Variants in CENATAC observed in about 807,000 individuals in gnomAD.
CENATAC encodes the protein centrosomal AT-AC splicing factor.
CENATAC carries 53 observed loss-of-function variants against 53.7 expected under a neutral mutation model. That is an observed-to-expected ratio of 0.99 (90% CI 0.79 to 1.24). The LOEUF is 1.24. Among genes scored for constraint, CENATAC ranks in the 50% most tolerant of loss-of-function variants. The probability of loss-of-function intolerance (pLI) is 0.00; values close to 1 mark genes in which losing one functional copy is unlikely to be tolerated. For missense variants in CENATAC, 474 were observed against 417.8 expected (o/e 1.13, Z -1.17); for synonymous variants, 156 against 144.6 (o/e 1.08, Z -0.57).
chr11:119,003,010 GT>G (rs1490807540), intron 3 of CENATAC: 1 of 518,344 alleles, frequency 1.9e-6, no homozygotes, highest in African/African-American at 1.9e-5. Context: ...ACTGGACTCA[GT>G]TGAGATGATC....
rs1242228685 is a variant in CENATAC at position 118,998,557 on chromosome 11, C to T, written c.248C>T (p.Thr83Met). 3.8e-6 allele frequency: 6 copies of T among 1,581,634 alleles called. No individual in the cohort carries two copies. The highest frequency in any genetic ancestry group is 5.2e-6 in the Non-Finnish European group (6 of 1,163,224). ...VREHLSHGNL[T>M]VLYGGLLEHL... ...GAACACCTGAGCCATGGAAACCTGA[C>T]GGTGCTGTACGGGGGGCTGCTGGAG... Residue 83 changes from threonine to methionine, a missense_variant, in exon 2 of 11, where the codon ACG (threonine) becomes ATG (methionine). Transcript: ENST00000334418.
intron 8 of CENATAC, 153 bp from the exon 9 acceptor site, chr11:119,014,841 T>TA (rs1359787257): frequency 9.5e-6 from 5 of 527,716 alleles, no homozygotes; most frequent in Middle Eastern, 1.0e-3. Flanking sequence ...CGCTTTAAAT[T>TA]AGCCTAGGGC....
Position 119,006,661 on chromosome 11 carries a change from G to A in CENATAC, c.384-4103G>A, listed in dbSNP as rs192775527. The stretch of plus-strand genomic sequence containing the variant: ...TGGGATTACAGGCGTGAGCCACTGC[G>A]CCTGGCTTAGTCCACCTATTTCTAA... On this transcript the variant is annotated intron_variant, in intron 3 of 10. Transcript: ENST00000334418. Among the ~76,000 whole-genome samples the A allele has an allele frequency of 6.4e-4, 97 of 152,298 alleles. 1 individual carries two copies. Among genetic ancestry groups the A allele is most frequent in the Non-Finnish European group, 9.0e-4 (61 of 68,024 alleles).
chr11:119,014,934 A>AT, intron 8 of CENATAC, 60 bp from the exon 9 acceptor site: 1 of 1,125,950 alleles, frequency 8.9e-7, no homozygotes, highest in South Asian at 1.4e-5. Flanking sequence ...CAGCTAGGAC[A>AT]TGTTTCACAA....
chr11:119,009,900 C>A (rs1223542562), intron 3 of CENATAC: 1 of 152,122 alleles, frequency 6.6e-6, no homozygotes, highest in African/African-American at 2.4e-5. Flanking sequence ...AATCCCAGTT[C>A]TTTGGGAGGC....
Position 119,013,237 on chromosome 11 carries a change from A to G in CENATAC, c.690A>G (p.Ile230Met). The change falls in exon 8 of 11, where the codon ATA becomes ATG. Residue 230 changes from isoleucine to methionine, a missense_variant. Coordinates refer to ENST00000334418, the MANE Select transcript of CENATAC (RefSeq NM_198489.3). ...TTTCCCATTTCCAACTACAGGATAT[A>G]CCAGGAGTTGGTAACATCCACTCAG... ...PSLTFIGHQD[I>M]PGVGNIHSGA... 6.2e-7 allele frequency: 1 copy of G among 1,609,470 alleles called. No individual in the cohort carries two copies. Among genetic ancestry groups the G allele is most frequent in the South Asian group, 1.1e-5 (1 of 90,452 alleles).
At position 119,015,439 on chromosome 11, in the gene CENATAC, G is replaced by GGTAT; in HGVS notation, c.938+3_938+6dup. ...AATAATGGACGCCGCTGGCAGTCCA[G>GGTAT]GTATGTGTGTTCAGTGCCGGGTCTC... On this transcript the variant is annotated frameshift_variant and splice_region_variant. Transcript: ENST00000334418. LOFTEE classifies it high-confidence loss of function. 1 of 1,614,058 alleles carries GGTAT rather than the reference G, an allele frequency of 6.2e-7. No homozygotes were observed. Among genetic ancestry groups the GGTAT allele is most frequent in the Non-Finnish European group, 8.5e-7 (1 of 1,179,906 alleles).
chr11:119,012,071 G>A, intron 6 of CENATAC, 68 bp downstream of exon 6: 1 of 1,613,798 alleles, frequency 6.2e-7, no homozygotes, highest in Non-Finnish European at 8.5e-7. Flanking sequence ...CTTTTGCCTG[G>A]GAAATGGAAA....
At chr11:119,007,677 C>A (rs1942670069) in intron 3 of CENATAC, among the ~76,000 whole-genome samples, 2 of 152,150 alleles carry the variant, frequency 1.3e-5, no homozygotes, top group Admixed American at 1.3e-4. Flanking sequence ...TTTGTAGAGA[C>A]AGGGTCACTA....
chr11:119,010,899 A>G (rs1942838046), intron 4 of CENATAC, 69 bp downstream of exon 4: 2 of 1,361,910 alleles, frequency 1.5e-6, no homozygotes, highest in Non-Finnish European at 2.1e-6. Context: ...CGGTTTTTCC[A>G]CAGATGGACC....
At chr11:119,006,504 G>A (rs1942607029) in intron 3 of CENATAC, among the ~76,000 whole-genome samples, 1 of 152,132 alleles carries the variant, frequency 6.6e-6, no homozygotes, top group Non-Finnish European at 1.5e-5. Context: ...CCAAAGTCTG[G>A]GATTACAGGC....
At chr11:119,005,202 C>T (rs1228756440) in intron 3 of CENATAC, among the ~76,000 whole-genome samples, 1 of 152,158 alleles carries the variant, frequency 6.6e-6, no homozygotes, top group Non-Finnish European at 1.5e-5. Flanking sequence ...CACGATGGCT[C>T]ATGCCTGTAA....
intron 3 of CENATAC, chr11:119,003,562 T>G (rs192113495): frequency 0.021 from 6,392 of 304,364 alleles, 120 homozygotes; most frequent in Non-Finnish European, 0.031. Context: ...CTTCCCAAAG[T>G]GCTGGGATTA....
intron 5 of CENATAC, 93 bp downstream of exon 5, chr11:119,011,376 TCTTC>T: frequency 8.2e-7 from 1 of 1,221,270 alleles, no homozygotes; most frequent in Non-Finnish European, 1.2e-6. Context: ...TGCTTCTTCT[TCTTC>T]TTTTTTTTTT....
rs1217171469 is a variant in CENATAC, at chr11:119,012,394, G to T, written c.684+140G>T. The T allele has an allele frequency of 7.8e-6, 7 of 897,418 alleles. No individual in the cohort carries two copies. In the Admixed American group the frequency reaches 1.7e-4, roughly 22 times the overall value. 55.6% of individuals were successfully genotyped at this position (897,418 alleles called of 1,614,324 possible). On this transcript the variant is annotated intron_variant, in intron 7 of 10. Coordinates refer to ENST00000334418, the MANE Select transcript of CENATAC (RefSeq NM_198489.3). ...TCTTCCTTCACTGTTCCCTAGTAGT[G>T]TTCTCAGACCTCTTCTCACCCTCCA... is the stretch of plus-strand genomic sequence containing the variant.
chr11:119,005,564 C>A (rs1468873461), intron 3 of CENATAC, among the ~76,000 whole-genome samples: 1 of 151,944 alleles, frequency 6.6e-6, no homozygotes, highest in Non-Finnish European at 1.5e-5. Flanking sequence ...CCCACCTCAG[C>A]CTCCCAAAGT....
chr11:119,013,601 C>A (rs1942983769), intron 8 of CENATAC, among the ~76,000 whole-genome samples: 1 of 151,094 alleles, frequency 6.6e-6, no homozygotes, highest in Admixed American at 6.6e-5. Context: ...GTAGCTGGGA[C>A]TACAGGCGCC....
intron 9 of CENATAC, 63 bp downstream of exon 9, chr11:119,015,146 C>CTG: frequency 6.7e-7 from 1 of 1,496,070 alleles, no homozygotes; most frequent in South Asian, 1.2e-5. Context: ...GTTTCCTTGC[C>CTG]TGTGTGTGGT....
intron 4 of CENATAC, 45 bp from the exon 5 acceptor site, chr11:119,011,175 TG>T (rs1481871539): frequency 1.3e-6 from 2 of 1,548,940 alleles, no homozygotes; most frequent in African/African-American, 1.4e-5. Context: ...CTGAAGAAAC[TG>T]GCCCCCATGA....
Sources: gnomAD v4.1 joint callset for allele counts (sites outside exome capture counted in the v4.1 genomes callset) on GRCh38, gnomAD v4.1.1 for gene constraint, MANE v1.5 for transcripts, NCBI Gene and HGNC (gene_info 2026-07-23, HGNC 2026-07-21) for gene names.